SMIM24: variants seen among roughly 807,000 people sequenced by gnomAD.
SMIM24 encodes MAP17-related dimer.
SMIM24 carries 6 observed loss-of-function variants against 10.8 expected under a neutral mutation model. The observed-to-expected ratio is 0.55, with a 90% CI of 0.30 to 1.09. SMIM24 has a LOEUF of 1.09. SMIM24 is among the 50% of genes least tolerant of loss of function. The probability of loss-of-function intolerance (pLI) is 0.06; values close to 1 mark genes in which losing one functional copy is unlikely to be tolerated. For synonymous variants in SMIM24, 71 were observed against 62.4 expected, an observed-to-expected ratio of 1.14 and a Z score of -0.65; for missense variants, 151 against 153.4, an observed-to-expected ratio of 0.98 and a Z score of 0.08.
chr19:3,477,399 G>A (rs2082797811), intron 3 of SMIM24, among the ~76,000 whole-genome samples: 1 of 150,428 alleles, frequency 6.6e-6, no homozygotes, highest in African/African-American at 2.5e-5. Context: ...ATGAATGGAT[G>A]GGTGAGTGGG....
intron 3 of SMIM24, among the ~76,000 whole-genome samples, chr19:3,477,095 G>C (rs2082795485): frequency 8.0e-6 from 1 of 125,758 alleles, no homozygotes; most frequent in Non-Finnish European, 1.8e-5. Context: ...ATGGGTGATG[G>C]ATGGATGGAT....
intron 1 of SMIM24, among the ~76,000 whole-genome samples, chr19:3,480,129 C>G (rs2082812025): frequency 6.7e-6 from 1 of 148,974 alleles, no homozygotes; most frequent in South Asian, 2.1e-4. Context: ...TGGGGCCGAG[C>G]TCAAGGCGGG....
intron 1 of SMIM24, among the ~76,000 whole-genome samples, chr19:3,479,271 A>G (rs1245759532): frequency 6.8e-6 from 1 of 148,022 alleles, no homozygotes; most frequent in Non-Finnish European, 1.5e-5. Flanking sequence ...GGGGCTTATA[A>G]AGGCGGACCT....
Position 3,476,426 on chromosome 19 carries a change from G to A in SMIM24, c.240-1430C>T, listed in dbSNP as rs189759600. 1.5e-3 allele frequency among the ~76,000 whole-genome samples: 222 copies of A among 152,010 alleles called. 1 individual carries two copies. Among genetic ancestry groups the A allele is most frequent in the African/African-American group, 5.2e-3 (216 of 41,422 alleles). On this transcript the variant is annotated intron_variant, in intron 3 of 3. Transcript: ENST00000215531. ...GATGGATGGGTGGTTGGAGGGTGAG[G>A]ACTGCACGGGCAGACTGATAGATGG... is the stretch of plus-strand genomic sequence containing the variant.
rs1452907479 is a variant in SMIM24 at position 3,474,024 on chromosome 19, C to T, written c.*819G>A. 1 of 152,410 alleles carries T rather than the reference C, an allele frequency of 6.6e-6. No homozygotes were observed. 9.4% of individuals were successfully genotyped at this position (152,410 alleles called of 1,614,324 possible). On this transcript the variant is annotated 3_prime_UTR_variant, in exon 4 of 4. Transcript: ENST00000215531. The stretch of plus-strand genomic sequence containing the variant: ...AAATGGTCATTGTTCAGGGTAAGGT[C>T]CAGGGCCTGGAGAAGGTGAGGGGAA...
chr19:3,476,255 G>C (rs941978279), intron 3 of SMIM24, among the ~76,000 whole-genome samples: 4 of 152,134 alleles, frequency 2.6e-5, no homozygotes, highest in Non-Finnish European at 5.9e-5. Context: ...ACTGTAGGTG[G>C]GTGGATGGAT....
At chr19:3,475,553 T>C (rs1347310286) in intron 3 of SMIM24, among the ~76,000 whole-genome samples, 2 of 147,690 alleles carry the variant, frequency 1.4e-5, no homozygotes, top group African/African-American at 2.5e-5. Context: ...GGTGGGTGGA[T>C]AGATGGATGA....
intron 1 of SMIM24, among the ~76,000 whole-genome samples, chr19:3,479,758 CA>C (rs1303509668): frequency 2.6e-4 from 20 of 75,856 alleles, no homozygotes; most frequent in Non-Finnish European, 4.0e-4. Context: ...GGCAGAGGCT[CA>C]GGGGGAGGGG....
Position 3,478,867 on chromosome 19 carries a change from T to C in SMIM24, c.130A>G (p.Ile44Val). 1 of 1,549,670 alleles carries C rather than the reference T, an allele frequency of 6.5e-7. No homozygotes were observed. Among genetic ancestry groups the C allele is most frequent in the African/African-American group, 1.4e-5 (1 of 73,008 alleles). Reference protein sequence around the residue: ...GLAAVVGFLFIVYLVLLANRL... With the variant: ...GLAAVVGFLFVVYLVLLANRL... ...TTGGCCAGCAAGACCAAATAGACGA[T>C]GAACAGGAAGCCGACTACCGCAGCC... Residue 44 changes from isoleucine (I) to valine (V), a missense_variant, in exon 2 of 4, where the codon ATC becomes GTC. Physicochemically the swap from Ile to Val is conservative, Grantham distance 29. Transcript: ENST00000215531.
In SMIM24 at chr19:3,477,815, GTGGGTGAGTGGGTGAA is replaced by G. The variant is rs564714291; in HGVS notation, c.239+588_239+603del. Among the ~76,000 whole-genome samples the G allele has an allele frequency of 3.9e-3, 572 of 147,740 alleles. 3 individuals carry two copies. The highest frequency in any genetic ancestry group is 0.013 in the African/African-American group (535 of 39,994). On this transcript the variant is annotated intron_variant, in intron 3 of 3. Transcript: ENST00000215531. ...TGAGTGGATGATGGATGGATGGATG[GTGGGTGAGTGGGTGAA>G]TGGGTGAGTGGATGAATGGGTGAGT... is the stretch of plus-strand genomic sequence containing the variant.
At chr19:3,476,204 GAATGACATACC>G (rs1247135627) in intron 3 of SMIM24, among the ~76,000 whole-genome samples, 82 of 151,916 alleles carry the variant, frequency 5.4e-4, no homozygotes, top group Admixed American at 5.4e-3. Context: ...AGGAAGAAGA[GAATGACATACC>G]AATGGATAGG....
chr19:3,479,438 T>C (rs1175924953), intron 1 of SMIM24, among the ~76,000 whole-genome samples: 1 of 126,458 alleles, frequency 7.9e-6, no homozygotes. Flanking sequence ...AGAGGAGCTG[T>C]TGGGGGGAGC....
At chr19:3,478,547 G>C (rs903070375) in intron 2 of SMIM24, 69 bp from the exon 3 acceptor site, 6 of 1,388,858 alleles carry the variant, frequency 4.3e-6, no homozygotes, top group East Asian at 2.5e-5. Flanking sequence ...GGAAGGAAGC[G>C]GTGTGACAGC....
chr19:3,477,086 T>C (rs2082795339), intron 3 of SMIM24, among the ~76,000 whole-genome samples: 1 of 78,388 alleles, frequency 1.3e-5, no homozygotes, highest in African/African-American at 4.3e-5. Context: ...AGTGAATAGA[T>C]GGGTGATGGA....
At chr19:3,479,368 G>A (rs2082807315) in intron 1 of SMIM24, among the ~76,000 whole-genome samples, 1 of 150,496 alleles carries the variant, frequency 6.6e-6, no homozygotes, top group African/African-American at 2.5e-5. Flanking sequence ...TTATGAAGGA[G>A]GAGGTGGCTC....
chr19:3,475,004 G>A lies in SMIM24; in HGVS notation c.240-8C>T, dbSNP rs2082787039. 1 of 1,550,424 alleles carries A rather than the reference G, an allele frequency of 6.4e-7. No individual in the cohort carries two copies. The highest frequency in any genetic ancestry group is 8.7e-7 in the Non-Finnish European group (1 of 1,146,698). On this transcript the variant is annotated splice_polypyrimidine_tract_variant and splice_region_variant and intron_variant, in intron 3 of 3. Coordinates refer to ENST00000215531, the MANE Select transcript of SMIM24 (RefSeq NM_001136503.2). ...TTCTCTCTCTTGTCTTCACTGTAGGGATACAAAGGCCCCAAACCATAATAA... is the reference window on the plus strand; with the variant it reads ...TTCTCTCTCTTGTCTTCACTGTAGGAATACAAAGGCCCCAAACCATAATAA...
chr19:3,475,763 G>C (rs925020092), intron 3 of SMIM24, among the ~76,000 whole-genome samples: 9 of 151,682 alleles, frequency 5.9e-5, no homozygotes, highest in Non-Finnish European at 1.2e-4. Flanking sequence ...TGAACAGATG[G>C]GTGACTGAGT....
Position 3,479,519 on chromosome 19 carries a change from G to A in SMIM24, c.68-590C>T, listed in dbSNP as rs1243109482. 3.5e-5 allele frequency among the ~76,000 whole-genome samples: 5 copies of A among 143,370 alleles called. No homozygotes were observed. In the East Asian group the frequency reaches 1.1e-3, roughly 32 times the overall value. 94.1% of individuals were successfully genotyped at this position (143,370 alleles called of 152,430 possible). On this transcript the variant is annotated intron_variant, in intron 1 of 3. Transcript: ENST00000215531. ...GAGCTCAGAGGGGAGGTGCTTATAA[G>A]GGGAGAGGGTCTCAGAGTGGGAGGG...
At position 3,478,924 on chromosome 19, in the gene SMIM24, C is replaced by G; in HGVS notation, c.73G>C (p.Glu25Gln). 6.5e-7 allele frequency: 1 copy of G among 1,549,636 alleles called. No homozygotes were observed. The highest frequency in any genetic ancestry group is 1.2e-5 in the South Asian group (1 of 84,024). Residue 25 changes from glutamate (E) to glutamine (Q), a missense_variant, in exon 2 of 4, where the codon GAG becomes CAG. Coordinates refer to ENST00000215531, the MANE Select transcript of SMIM24 (RefSeq NM_001136503.2). The stretch of plus-strand genomic sequence containing the variant: ...ACCAGCCACGGCTTCAGGCGATGCT[C>G]CGTGGCTGCAGGAAGTTGGGGAGGT... ...LSPVEAQQAT[E>Q]HRLKPWLVGL...
Sources: allele counts gnomAD v4.1 joint callset (sites outside exome capture counted in the v4.1 genomes callset), GRCh38; gene constraint gnomAD v4.1.1; transcripts MANE v1.5; gene names NCBI Gene and HGNC (gene_info 2026-07-23, HGNC 2026-07-21).